TCF25: variants seen among roughly 807,000 people sequenced by gnomAD.
TCF25 encodes ribosome quality control complex subunit TCF25.
TCF25 carries 41 observed loss-of-function variants against 83.1 expected under a neutral mutation model. The ratio of observed to expected loss-of-function variants is 0.49; its 90% CI spans 0.38 to 0.64. TCF25 has a LOEUF of 0.64. Ranked by LOEUF, TCF25 falls within the 30% of genes least tolerant of loss-of-function variation. TCF25 has a pLI of 0.00. For synonymous variants in TCF25, 458 were observed against 365.0 expected, an observed-to-expected ratio of 1.25 and a Z score of -2.90; for missense variants, 979 against 914.5, an observed-to-expected ratio of 1.07 and a Z score of -0.91.
intron 1 of TCF25, chr16:89,878,574 T>C: frequency 2.6e-6 from 3 of 1,174,578 alleles, no homozygotes; most frequent in Non-Finnish European, 3.2e-6. Context: ...ACAAGAACCT[T>C]GTGAAATGTT....
At chr16:89,906,333 C>G in intron 15 of TCF25, 49 bp downstream of exon 15, 1 of 1,576,492 alleles carries the variant, frequency 6.3e-7, no homozygotes, top group Non-Finnish European at 8.7e-7. Context: ...CGGTCACATG[C>G]ACGTCCCTTC....
intron 4 of TCF25, among the ~76,000 whole-genome samples, chr16:89,886,505 G>A (rs1043937556): frequency 4.6e-5 from 7 of 152,084 alleles, no homozygotes; most frequent in Non-Finnish European, 8.8e-5. Flanking sequence ...GCTCACGCCT[G>A]TAATCCCAGC....
Position 89,898,539 on chromosome 16 carries a change from G to T in TCF25, c.1023-18G>T. 1 of 1,589,394 alleles carries T rather than the reference G, an allele frequency of 6.3e-7. No homozygotes were observed. Among genetic ancestry groups the T allele is most frequent in the East Asian group, 2.3e-5 (1 of 43,444 alleles). ...CCTTTGTGTCGTTGTAATTCATGTG[G>T]AACTATTTTGGATCTAGGAGCTTCT... On this transcript the variant is annotated intron_variant, in intron 9 of 17. Coordinates refer to ENST00000263346, the MANE Select transcript of TCF25 (RefSeq NM_014972.3).
chr16:89,901,403 C>T (rs28711892), intron 12 of TCF25, among the ~76,000 whole-genome samples: 11 of 151,206 alleles, frequency 7.3e-5, no homozygotes, highest in East Asian at 2.0e-4. Context: ...CTCCTTAAGA[C>T]GAGCCTCCTC....
At chr16:89,902,670 C>T (rs2044436801) in intron 12 of TCF25, among the ~76,000 whole-genome samples, 2 of 141,206 alleles carry the variant, frequency 1.4e-5, no homozygotes. Context: ...GCCTGGGCAA[C>T]ATAGCGAGAC....
intron 12 of TCF25, among the ~76,000 whole-genome samples, chr16:89,902,771 CT>C (rs1567731302): frequency 6.6e-6 from 1 of 152,020 alleles, no homozygotes; most frequent in Non-Finnish European, 1.5e-5. Flanking sequence ...TAAGACGGGC[CT>C]CCTCCGAGGG....
chr16:89,908,816 CTCCCA>C, intron 16 of TCF25: 4 of 767,354 alleles, frequency 5.2e-6, no homozygotes, highest in Admixed American at 3.7e-5. Context: ...CACCTCGCAG[CTCCCA>C]GCTCCCAGCT....
At chr16:89,879,944 A>T (rs542754962) in intron 1 of TCF25, among the ~76,000 whole-genome samples, 1 of 151,466 alleles carries the variant, frequency 6.6e-6, no homozygotes, top group Non-Finnish European at 1.5e-5. Flanking sequence ...TGGGCCTATC[A>T]TGTGTGCTGT....
chr16:89,897,428 C>T (rs117534184), intron 9 of TCF25, among the ~76,000 whole-genome samples: 2,416 of 152,332 alleles, frequency 0.016, 23 homozygotes, highest in African/African-American at 0.033. Flanking sequence ...TTTCTCTGGC[C>T]GCCCTGGGTT....
chr16:89,897,287 C>G (rs2043937724), intron 9 of TCF25, among the ~76,000 whole-genome samples: 1 of 152,280 alleles, frequency 6.6e-6, no homozygotes, highest in African/African-American at 2.4e-5. Flanking sequence ...AGCCATCCCT[C>G]TGGCATCAGG....
intron 1 of TCF25, chr16:89,874,890 A>C (rs746419362): frequency 6.6e-6 from 1 of 152,072 alleles, no homozygotes; most frequent in Non-Finnish European, 1.5e-5. Flanking sequence ...CTGGGACTAC[A>C]GGCGTGAGTC....
intron 5 of TCF25, among the ~76,000 whole-genome samples, chr16:89,888,008 G>A (rs2043145247): frequency 6.6e-6 from 1 of 152,204 alleles, no homozygotes; most frequent in South Asian, 2.1e-4. Flanking sequence ...GCTCACGCCT[G>A]TAATCCCAGC....
Position 89,905,063 on chromosome 16 carries a change from C to T in TCF25, c.1595C>T (p.Ala532Val), listed in dbSNP as rs1300501106. ...CACGAGGTTCTGCAAGCAGTGGACGCCGGGGACCCAGCCGTGGAAGCCTGT... is the reference window on the plus strand; with the variant it reads ...CACGAGGTTCTGCAAGCAGTGGACGTCGGGGACCCAGCCGTGGAAGCCTGT... Reference protein sequence around the residue: ...NVHEVLQAVDAGDPAVEACEN... With the variant: ...NVHEVLQAVDVGDPAVEACEN... Residue 532 changes from alanine (A) to valine (V), a missense_variant, in exon 14 of 18, where the codon GCC becomes GTC. Physicochemically the swap from Ala to Val is moderately conservative, Grantham distance 64. Coordinates refer to ENST00000263346, the MANE Select transcript of TCF25 (RefSeq NM_014972.3). 1.9e-6 allele frequency: 3 copies of T among 1,602,504 alleles called. No individual in the cohort carries two copies. The highest frequency in any genetic ancestry group is 2.6e-6 in the Non-Finnish European group (3 of 1,175,304).
At chr16:89,900,819 G>T (rs2044262706) in intron 12 of TCF25, 25 bp downstream of exon 12, 2 of 1,542,526 alleles carry the variant, frequency 1.3e-6, no homozygotes, top group South Asian at 2.3e-5. Context: ...TGTCTCGCCT[G>T]GGGTAGGGGT....
intron 1 of TCF25, chr16:89,878,353 A>C: frequency 9.4e-7 from 1 of 1,064,210 alleles, no homozygotes; most frequent in South Asian, 1.8e-5. Context: ...TGGGAGGCCA[A>C]GGCGGGTGGA....
At chr16:89,908,346 C>T (rs1160828866) in intron 16 of TCF25, among the ~76,000 whole-genome samples, 1 of 146,874 alleles carries the variant, frequency 6.8e-6, no homozygotes, top group Non-Finnish European at 1.5e-5. Context: ...ACAGTTCCCA[C>T]CTCCCAGCTC....
At chr16:89,907,511 C>G (rs2044965125) in intron 16 of TCF25, among the ~76,000 whole-genome samples, 189 bp downstream of exon 16, 1 of 140,800 alleles carries the variant, frequency 7.1e-6, no homozygotes, top group Non-Finnish European at 1.6e-5. Flanking sequence ...CCTCCCACCT[C>G]CCACCTCCCT....
At chr16:89,894,045 C>A in intron 7 of TCF25, 187 bp downstream of exon 7, 3 of 804,762 alleles carry the variant, frequency 3.7e-6, no homozygotes, top group Non-Finnish European at 5.7e-6. Context: ...GGCTCTAGGC[C>A]AAGCGAGCTC....
chr16:89,886,103 A>G (rs767776723), intron 4 of TCF25, 137 bp downstream of exon 4: 2 of 647,040 alleles, frequency 3.1e-6, no homozygotes, highest in Admixed American at 2.1e-5. Context: ...AAAAAGGAAA[A>G]ATAAAATGTA....
Sources: gnomAD v4.1 joint callset for allele counts (sites outside exome capture counted in the v4.1 genomes callset) on GRCh38, gnomAD v4.1.1 for gene constraint, MANE v1.5 for transcripts, NCBI Gene and HGNC (gene_info 2026-07-23, HGNC 2026-07-21) for gene names.